The following SEMA7A variants were observed in gnomAD, a reference collection of about 807,000 sequenced individuals.
SEMA7A encodes the protein semaphorin-7A.
In SEMA7A, 21 loss-of-function variants were observed where a neutral mutation model predicts 67.5. That is an observed-to-expected ratio of 0.31 (90% confidence interval 0.22 to 0.45). The LOEUF is 0.45. Ranked by LOEUF, SEMA7A falls within the 20% of genes least tolerant of loss-of-function variation. The pLI is 1.00. For missense variants in SEMA7A, 774 were observed against 908.6 expected, an observed-to-expected ratio of 0.85 and a Z score of 1.90; for synonymous variants, 364 against 368.5, an observed-to-expected ratio of 0.99 and a Z score of 0.14.
rs2060889357 is a variant in SEMA7A at position 74,410,481 on chromosome 15, C to T, written c.*143G>A. The T allele has an allele frequency of 7.7e-7, 1 of 1,291,360 alleles. No individual in the cohort carries two copies. The highest frequency in any genetic ancestry group is 1.1e-6 in the Non-Finnish European group (1 of 947,746). The allele number at this position is 1,291,360 out of a possible 1,614,324, so 80.0% of individuals were successfully genotyped here. A position where few individuals can be genotyped will look rare whatever the true frequency, so the allele number is the denominator to read the frequency against. On this transcript the variant is annotated 3_prime_UTR_variant, in exon 14 of 14. Coordinates refer to ENST00000261918, the MANE Select transcript of SEMA7A (RefSeq NM_003612.5). The surrounding 1 kb of genome is among the most constrained non-coding windows in gnomAD (Gnocchi z 7.5). ...GCAGCCGCCTGCGGCTGGACGTCTC[C>T]AGGCCTGGCATCCTCCACTGGGTTA...
rs1226280880 is a variant in SEMA7A, at chr15:74,418,249, T to C, written c.372+19A>G. ...TTACCAAGTGGCTCAGACCCCTCCA[T>C]ACCCCCTCCCCCACTCACCCGCTTA... is the stretch of plus-strand genomic sequence containing the variant. On this transcript the variant is annotated intron_variant, in intron 3 of 13. Coordinates refer to ENST00000261918, the MANE Select transcript of SEMA7A (RefSeq NM_003612.5). The C allele has an allele frequency of 8.7e-6, 14 of 1,612,166 alleles. No homozygotes were observed. The South Asian group carries it at 1.4e-4, about 16-fold the overall frequency.
chr15:74,417,532 C>A (rs915940168), intron 5 of SEMA7A, 59 bp downstream of exon 5: 11 of 1,585,302 alleles, frequency 6.9e-6, no homozygotes, highest in Non-Finnish European at 1.7e-6. Flanking sequence ...GCTGACCACT[C>A]CTCTCCCAGC....
intron 1 of SEMA7A, among the ~76,000 whole-genome samples, chr15:74,430,049 A>T (rs2061074695): frequency 2.6e-5 from 4 of 152,078 alleles, no homozygotes. Flanking sequence ...CTACACTGAG[A>T]AGTCTACAAG....
rs1378484378 is a variant in SEMA7A, at chr15:74,410,513, C to T, written c.*111G>A. The T allele has an allele frequency of 2.0e-5, 29 of 1,447,474 alleles. No homozygotes were observed. Among genetic ancestry groups the T allele is most frequent in the African/African-American group, 4.3e-5 (3 of 70,280 alleles). The allele number at this position is 1,447,474 out of a possible 1,614,324, so 89.7% of individuals were successfully genotyped here. On this transcript the variant is annotated 3_prime_UTR_variant, in exon 14 of 14. Coordinates refer to ENST00000261918, the MANE Select transcript of SEMA7A (RefSeq NM_003612.5). This position sits in a 1 kb window ranked among gnomAD's most constrained non-coding sequence, Gnocchi z 7.5. ...GGCATCCTCCACTGGGTTATTCTGT[C>T]CCCTGGAAGAAGTGGCAGGCAAGGA...
chr15:74,427,349 C>T (rs1307270307), intron 1 of SEMA7A: 1 of 985,308 alleles, frequency 1.0e-6, no homozygotes, highest in East Asian at 1.1e-4. Flanking sequence ...GCCAGAGGGA[C>T]AGGTATCTTA....
intron 8 of SEMA7A, 69 bp from the exon 9 acceptor site, chr15:74,415,015 C>CA: frequency 7.5e-7 from 1 of 1,337,296 alleles, no homozygotes; most frequent in Non-Finnish European, 1.1e-6. Context: ...CTCACCCAGG[C>CA]CAGCCTTGTG....
At chr15:74,417,236 G>T in intron 6 of SEMA7A, 99 bp downstream of exon 6, 1 of 919,324 alleles carries the variant, frequency 1.1e-6, no homozygotes, top group Non-Finnish European at 1.8e-6. Context: ...GGCCCCAGCG[G>T]CCCTCAGGGA....
intron 1 of SEMA7A, among the ~76,000 whole-genome samples, chr15:74,422,096 G>C (rs987363471): frequency 7.9e-5 from 12 of 152,118 alleles, no homozygotes; most frequent in African/African-American, 2.9e-4. Context: ...CTAATGAGAA[G>C]AATCGGGAAG....
Position 74,414,849 on chromosome 15 carries a change from G to A in SEMA7A, c.1084C>T (p.Arg362Trp), listed in dbSNP as rs1339642814. ...KGYHSSLPNPRPGKCLPDQQP... is the reference protein window; with the variant it reads ...KGYHSSLPNPWPGKCLPDQQP... ...GGTGTCACGCTCACCTTGCCAGGCCGCGGGTTGGGAAGGCTTGAGTGGTAG... is the reference window on the plus strand; with the variant it reads ...GGTGTCACGCTCACCTTGCCAGGCCACGGGTTGGGAAGGCTTGAGTGGTAG... Residue 362 changes from arginine to tryptophan, a missense_variant, in exon 9 of 14, where the codon CGG becomes TGG. Physicochemically the swap from Arg to Trp is moderately radical, Grantham distance 101. Coordinates refer to ENST00000261918, the MANE Select transcript of SEMA7A (RefSeq NM_003612.5). This position sits in a 1 kb window ranked among gnomAD's most constrained non-coding sequence, Gnocchi z 4.1. 13 of 1,614,060 alleles carry A rather than the reference G, an allele frequency of 8.1e-6. No individual in the cohort carries two copies. The highest frequency in any genetic ancestry group is 2.7e-5 in the African/African-American group (2 of 74,920).
intron 10 of SEMA7A, among the ~76,000 whole-genome samples, chr15:74,413,877 C>G (rs890894738): frequency 6.6e-6 from 1 of 152,156 alleles, no homozygotes; most frequent in Non-Finnish European, 1.5e-5. Flanking sequence ...TTTCCAGTCT[C>G]AAGGAAGGCA....
In SEMA7A at chr15:74,428,410, G is replaced by C. The variant is rs77597625; in HGVS notation, c.178+5331C>G. ...TGCCTCTTTGGGTGATCTCGGGCCA[G>C]TCCCTGTCATCTCTGAGCCTCAGTT... On this transcript the variant is annotated intron_variant, in intron 1 of 13. Coordinates refer to ENST00000261918, the MANE Select transcript of SEMA7A (RefSeq NM_003612.5). Among the ~76,000 whole-genome samples the C allele has an allele frequency of 3.2e-3, 492 of 152,374 alleles. 1 individual carries two copies. The highest frequency in any genetic ancestry group is 0.011 in the African/African-American group (464 of 41,584).
At chr15:74,417,818 G>A in intron 4 of SEMA7A, 59 bp downstream of exon 4, 3 of 1,584,124 alleles carry the variant, frequency 1.9e-6, no homozygotes, top group Non-Finnish European at 2.6e-6. Flanking sequence ...ACCATGAGGG[G>A]CAGAAGCCCA....
Position 74,414,570 on chromosome 15 carries a change from A to G in SEMA7A, c.1271T>C (p.Phe424Ser). ...ACCTGTAGTTAGGTAAAGCACATGA[A>G]AGGTCTCCCCGTGGCTGGCTTGCAT... ...HRMQASHGETFHVLYLTTDRG... is the reference protein window; with the variant it reads ...HRMQASHGETSHVLYLTTDRG... Residue 424 changes from phenylalanine to serine, a missense_variant, in exon 10 of 14, where the codon TTT becomes TCT. By Grantham distance (155) the Phe-to-Ser change is radical (BLOSUM62 -2). Transcript: ENST00000261918. This position sits in a 1 kb window ranked among gnomAD's most constrained non-coding sequence, Gnocchi z 4.1. 6.2e-7 allele frequency: 1 copy of G among 1,614,224 alleles called. No homozygotes were observed. Among genetic ancestry groups the G allele is most frequent in the Non-Finnish European group, 8.5e-7 (1 of 1,180,038 alleles).
intron 6 of SEMA7A, 49 bp from the exon 7 acceptor site, chr15:74,416,763 G>T (rs1164492161): frequency 1.3e-5 from 20 of 1,598,246 alleles, no homozygotes; most frequent in Non-Finnish European, 1.6e-5. Context: ...GCTTGCCCGG[G>T]AGACCATCCC....
chr15:74,413,164 C>T (rs2060916632), intron 10 of SEMA7A, among the ~76,000 whole-genome samples: 1 of 152,246 alleles, frequency 6.6e-6, no homozygotes, highest in South Asian at 2.1e-4. Flanking sequence ...GCTCCTTGGG[C>T]CTGATAAGGC....
At position 74,433,867 on chromosome 15, in the gene SEMA7A, C is replaced by T; in HGVS notation, c.52G>A (p.Val18Ile). The T allele has an allele frequency of 7.8e-7, 1 of 1,280,068 alleles. No individual in the cohort carries two copies. The highest frequency in any genetic ancestry group is 1.5e-5 in the African/African-American group (1 of 64,538). The allele number at this position is 1,280,068 out of a possible 1,614,324, so 79.3% of individuals were successfully genotyped here. A position where few individuals can be genotyped will look rare whatever the true frequency, so the allele number is the denominator to read the frequency against. The change falls in exon 1 of 14, where the codon GTC (valine) becomes ATC (isoleucine). Residue 18 changes from valine (V) to isoleucine (I), a missense_variant. Coordinates refer to ENST00000261918, the MANE Select transcript of SEMA7A (RefSeq NM_003612.5). The stretch of plus-strand genomic sequence containing the variant: ...CCCAACCGAGCCGGCGGGCCAGGGA[C>T]GCGGGCGCGCGGTGCGCTGGGGGCG... ...RAAPSAPRAR[V>I]PGPPARLGLP...
intron 10 of SEMA7A, among the ~76,000 whole-genome samples, chr15:74,412,561 T>A (rs2060911165): frequency 6.6e-6 from 1 of 152,192 alleles, no homozygotes; most frequent in African/African-American, 2.4e-5. Flanking sequence ...AAATACATTT[T>A]TTTTTTATTT....
intron 1 of SEMA7A, among the ~76,000 whole-genome samples, chr15:74,426,692 C>G (rs976370803): frequency 1.3e-5 from 2 of 152,164 alleles, no homozygotes; most frequent in Admixed American, 6.5e-5. Flanking sequence ...AGAAGGATCA[C>G]ATGTGTTCAG....
At chr15:74,424,173 CTT>C (rs1239043237) in intron 1 of SEMA7A, among the ~76,000 whole-genome samples, 10 of 152,262 alleles carry the variant, frequency 6.6e-5, no homozygotes, top group African/African-American at 2.4e-4. Context: ...CTCATTATCT[CTT>C]TGGTGGCTGG....
Sources: allele counts gnomAD v4.1 joint callset (sites outside exome capture counted in the v4.1 genomes callset), GRCh38; gene constraint gnomAD v4.1.1; non-coding constraint Gnocchi (gnomAD v3.1); transcripts MANE v1.5; gene names NCBI Gene and HGNC (gene_info 2026-07-23, HGNC 2026-07-21).